C1orf174: variants seen among roughly 807,000 people sequenced by gnomAD.
The protein encoded by C1orf174 is UPF0688 protein C1orf174.
C1orf174 carries 13 observed loss-of-function variants against 18.4 expected under a neutral mutation model. That is an observed-to-expected ratio of 0.71 (90% CI 0.46 to 1.12). The LOEUF is 1.12. C1orf174 is among the 50% of genes most tolerant of loss of function. The pLI is 0.00. For synonymous variants in C1orf174, 100 were observed against 118.3 expected, an observed-to-expected ratio of 0.85 and a Z score of 1.01; for missense variants, 309 against 308.0, an observed-to-expected ratio of 1.00 and a Z score of -0.02.
chr1:3,893,942 C>T (rs78397137), intron 1 of C1orf174, among the ~76,000 whole-genome samples: 1,900 of 152,260 alleles, frequency 0.012, 42 homozygotes, highest in African/African-American at 0.043. Context: ...GCCATGTAGC[C>T]TTCACTCAGC....
intron 1 of C1orf174, chr1:3,895,690 T>C (rs1169849631): frequency 6.6e-6 from 1 of 152,214 alleles, no homozygotes; most frequent in Non-Finnish European, 1.5e-5. Flanking sequence ...AGGTGTCAAC[T>C]CCAAAATGTC....
chr1:3,896,354 T>C (rs1336723690), intron 1 of C1orf174, among the ~76,000 whole-genome samples: 2 of 152,198 alleles, frequency 1.3e-5, no homozygotes. Context: ...ATCAACCCCG[T>C]CCTAGATATG....
chr1:3,892,604 C>T (rs1159365097), intron 2 of C1orf174: 3 of 588,876 alleles, frequency 5.1e-6, no homozygotes, highest in Non-Finnish European at 7.5e-6. Context: ...GGGCCCGGGT[C>T]TAGACACACA....
At position 3,890,914 on chromosome 1, in the gene C1orf174, AG is replaced by A. The variant is rs1295833373; in HGVS notation, c.272del (p.Pro91LeufsTer37). 1 of 1,614,012 alleles carries A rather than the reference AG, an allele frequency of 6.2e-7. No homozygotes were observed. Among genetic ancestry groups the A allele is most frequent in the Admixed American group, 1.7e-5 (1 of 59,982 alleles). On this transcript the variant is annotated frameshift_variant, in exon 3 of 4. Transcript: ENST00000361605. LOFTEE classifies it high-confidence loss of function. ...TGCCTTCAGCAAACTCATTTTCACA[AG>A]GGGTCTCAGGTGTCACTTTTGGCAA... Reference protein sequence around the residue: ...ASLPKVTPETPCENEFAEGSA... With the variant: ...ASLPKVTPETXCENEFAEGSA...
intron 2 of C1orf174, 171 bp from the exon 3 acceptor site, chr1:3,891,228 G>T: frequency 1.2e-6 from 1 of 827,696 alleles, no homozygotes; most frequent in Non-Finnish European, 1.8e-6. Context: ...ATACAAGCGA[G>T]ACTGAATCTA....
Position 3,890,770 on chromosome 1 carries a change from C to T in C1orf174, c.417G>A (p.Leu139=), listed in dbSNP as rs962003600. 9 of 1,613,952 alleles carry T rather than the reference C, an allele frequency of 5.6e-6. No individual in the cohort carries two copies. The highest frequency in any genetic ancestry group is 3.3e-5 in the Admixed American group (2 of 59,996). The change falls in exon 3 of 4, where the codon CTG becomes CTA. Residue 139 remains leucine (L), a synonymous_variant. Transcript: ENST00000361605. ...DSRLAKTRDG[L]SVPKHSAGSG... ...ACCCGGCACTGTGTTTTGGCACGGA[C>T]AGGCCATCTCTAGTCTTTGCTAAGC...
Position 3,892,783 on chromosome 1 carries a change from T to C in C1orf174, c.129+100A>G, listed in dbSNP as rs192032080. Reference sequence around the variant, plus strand: ...TCCCCCTCTGGCAGATAAGTAACAGTCGATATTTTTCTAAAGCAACACATC... The same window carrying C: ...TCCCCCTCTGGCAGATAAGTAACAGCCGATATTTTTCTAAAGCAACACATC... On this transcript the variant is annotated intron_variant, in intron 2 of 3. Transcript: ENST00000361605. The C allele has an allele frequency of 8.1e-3, 12,180 of 1,510,240 alleles. 54 individuals carry two copies. Among genetic ancestry groups the C allele is most frequent in the Non-Finnish European group, 9.5e-3 (10,671 of 1,125,666 alleles). 93.6% of individuals were successfully genotyped at this position (1,510,240 alleles called of 1,614,324 possible).
chr1:3,890,641 G>T lies in C1orf174; in HGVS notation c.546C>A (p.Ser182Arg), dbSNP rs1226356999. The change falls in exon 3 of 4, where the codon AGC becomes AGA. Residue 182 changes from serine (S) to arginine (R), a missense_variant. Transcript: ENST00000361605. ...GATTGCTGTCGTCATCTAGAAAGAC[G>T]CTGTTGTCCATCTGAAGTGGTGGCT... ...VQKPPLQMDN[S>R]VFLDDDSNQP... 1.2e-6 allele frequency: 2 copies of T among 1,614,136 alleles called. No homozygotes were observed. The highest frequency in any genetic ancestry group is 3.3e-5 in the Admixed American group (2 of 60,014).
chr1:3,896,758 T>C (rs993924748), intron 1 of C1orf174, among the ~76,000 whole-genome samples: 1 of 152,218 alleles, frequency 6.6e-6, no homozygotes, highest in Non-Finnish European at 1.5e-5. Context: ...CCTTAGAAAG[T>C]ATCCCTTCGA....
rs1333786960 is a variant in C1orf174, at chr1:3,889,266, TATG to T, written c.*691_*693del. ...GAATTCATCACAAGAATCATCAAAT[TATG>T]ATAATGGAAAACAAACTTGCCTATG... On this transcript the variant is annotated 3_prime_UTR_variant, in exon 4 of 4. Coordinates refer to ENST00000361605, the MANE Select transcript of C1orf174 (RefSeq NM_207356.3). 2 of 152,198 alleles carry T rather than the reference TATG, an allele frequency of 1.3e-5. No homozygotes were observed. The highest frequency in any genetic ancestry group is 2.9e-5 in the Non-Finnish European group (2 of 68,040). The allele number at this position is 152,198 out of a possible 1,614,324, so 9.4% of individuals were successfully genotyped here. A position where few individuals can be genotyped will look rare whatever the true frequency, so the allele number is the denominator to read the frequency against.
In C1orf174 at chr1:3,889,737, C is replaced by A; in HGVS notation, c.*223G>T. The A allele has an allele frequency of 6.7e-6, 3 of 445,952 alleles. No individual in the cohort carries two copies. The highest frequency in any genetic ancestry group is 3.5e-5 in the South Asian group (1 of 28,514). 27.6% of individuals were successfully genotyped at this position (445,952 alleles called of 1,614,324 possible). ...AAAAAAAAAAGAAAGGACATTGGCA[C>A]AGTACAGCAGCTTTGCAACCTCAAA... On this transcript the variant is annotated 3_prime_UTR_variant, in exon 4 of 4. Coordinates refer to ENST00000361605, the MANE Select transcript of C1orf174 (RefSeq NM_207356.3).
chr1:3,899,130 A>T (rs1638660706), intron 1 of C1orf174, among the ~76,000 whole-genome samples: 1 of 152,246 alleles, frequency 6.6e-6, no homozygotes, highest in Non-Finnish European at 1.5e-5. Flanking sequence ...GAACAGGGGA[A>T]GAAAAAGACA....
At chr1:3,894,162 C>T (rs1638562770) in intron 1 of C1orf174, among the ~76,000 whole-genome samples, 1 of 152,068 alleles carries the variant, frequency 6.6e-6, no homozygotes. Context: ...CAAACAGGAG[C>T]AATGCAGGTT....
At chr1:3,898,745 A>G (rs926980854) in intron 1 of C1orf174, among the ~76,000 whole-genome samples, 1 of 152,086 alleles carries the variant, frequency 6.6e-6, no homozygotes, top group Non-Finnish European at 1.5e-5. Flanking sequence ...TAATATGTGT[A>G]TAATATATAC....
At chr1:3,895,432 G>A (rs1037067526) in intron 1 of C1orf174, 1 of 152,236 alleles carries the variant, frequency 6.6e-6, no homozygotes, top group Non-Finnish European at 1.5e-5. Context: ...TGGCAGCAGT[G>A]GTTCTGAACT....
intron 3 of C1orf174, 136 bp from the exon 4 acceptor site, chr1:3,890,209 C>G: frequency 2.9e-6 from 2 of 686,974 alleles, no homozygotes; most frequent in South Asian, 3.6e-5. Flanking sequence ...GCCTGAGTCC[C>G]AGCACTCGCC....
intron 1 of C1orf174, among the ~76,000 whole-genome samples, chr1:3,897,509 G>A (rs1026858599): frequency 6.6e-6 from 1 of 152,110 alleles, no homozygotes; most frequent in African/African-American, 2.4e-5. Flanking sequence ...GAAAAATAAA[G>A]CAAGCTGCAG....
chr1:3,895,144 A>G (rs562856286), intron 1 of C1orf174, among the ~76,000 whole-genome samples: 61 of 152,288 alleles, frequency 4.0e-4, no homozygotes, highest in South Asian at 1.0e-3. Flanking sequence ...TCTGTGCTGG[A>G]GTATGCTGTG....
rs1258146316 is a variant in C1orf174, at chr1:3,898,534, C to CAA, written c.15+1636_15+1637dup. ...AAAGCAAAAACAACAACAACAACAA[C>CAA]AACAACAACAACAACAACAAAACTC... On this transcript the variant is annotated intron_variant, in intron 1 of 3. Transcript: ENST00000361605. 9.6e-5 allele frequency among the ~76,000 whole-genome samples: 9 copies of CAA among 93,780 alleles called. 1 individual carries two copies. The highest frequency in any genetic ancestry group is 5.0e-4 in the African/African-American group (9 of 18,148). 61.5% of individuals were successfully genotyped at this position (93,780 alleles called of 152,430 possible).
Sources: allele counts gnomAD v4.1 joint callset (sites outside exome capture counted in the v4.1 genomes callset), GRCh38; gene constraint gnomAD v4.1.1; transcripts MANE v1.5; gene names NCBI Gene and HGNC (gene_info 2026-07-23, HGNC 2026-07-21).